Variants in ZMYM2 observed in about 807,000 individuals in gnomAD.
ZMYM2 encodes the protein zinc finger MYM-type protein 2.
In ZMYM2, 56 loss-of-function variants were observed where a neutral mutation model predicts 162.8. That is an observed-to-expected ratio of 0.34 (90% CI 0.28 to 0.43). The LOEUF is 0.43. Among genes scored for constraint, ZMYM2 ranks in the 20% least tolerant of loss-of-function variants. The probability of loss-of-function intolerance (pLI) is 1.00; values close to 1 mark genes in which losing one functional copy is unlikely to be tolerated. For missense variants in ZMYM2, 1,275 were observed against 1,621.8 expected, an observed-to-expected ratio of 0.79 and a Z score of 3.67; for synonymous variants, 510 against 541.6, an observed-to-expected ratio of 0.94 and a Z score of 0.81.
the ZMYM2 span, among the ~76,000 whole-genome samples, chr13:19,888,289 C>G: frequency 6.6e-6 from 1 of 151,778 alleles, no homozygotes; most frequent in African/African-American, 2.4e-5. Flanking sequence ...CCTGGGCTCA[C>G]GCAGTTCTCC....
chr13:19,970,628 T>C (rs1956231647), intron 2 of ZMYM2, among the ~76,000 whole-genome samples: 1 of 139,838 alleles, frequency 7.2e-6, no homozygotes. Flanking sequence ...AAAAAGGGCA[T>C]CCTCTCAGAA....
At chr13:20,056,828 C>T (rs527638995) in intron 14 of ZMYM2, among the ~76,000 whole-genome samples, 1 of 152,262 alleles carries the variant, frequency 6.6e-6, no homozygotes, top group East Asian at 1.9e-4. Flanking sequence ...TGGCCCTATG[C>T]TTGAGCACAG....
At chr13:20,083,521 A>G in intron 23 of ZMYM2, 135 bp from the exon 24 acceptor site, 1 of 664,608 alleles carries the variant, frequency 1.5e-6, no homozygotes, top group Non-Finnish European at 2.5e-6. Context: ...GAAAAATTGT[A>G]CATTACCAGA....
At chr13:19,983,005 A>T (rs531158999) in intron 2 of ZMYM2, among the ~76,000 whole-genome samples, 1 of 152,328 alleles carries the variant, frequency 6.6e-6, no homozygotes, top group Non-Finnish European at 1.5e-5. Flanking sequence ...CAGTTGACTG[A>T]TTTCTACATA....
At chr13:19,894,440 G>A in the ZMYM2 span, among the ~76,000 whole-genome samples, 9 of 151,522 alleles carry the variant, frequency 5.9e-5, 1 homozygote, top group Admixed American at 5.9e-4. Flanking sequence ...CTGCCTCCCG[G>A]GTTCGAATGA....
chr13:19,886,614 A>G, the ZMYM2 span, among the ~76,000 whole-genome samples: 1 of 151,714 alleles, frequency 6.6e-6, no homozygotes, highest in Non-Finnish European at 1.5e-5. Context: ...CAATTTGTCT[A>G]TAGAATTTCA....
intron 2 of ZMYM2, among the ~76,000 whole-genome samples, chr13:19,984,152 T>C (rs546163788): frequency 3.3e-5 from 5 of 152,338 alleles, no homozygotes; most frequent in Non-Finnish European, 7.4e-5. Context: ...CTTTGTGATT[T>C]TGTTTTTTGA....
intron 2 of ZMYM2, among the ~76,000 whole-genome samples, chr13:19,974,681 A>C (rs1956630196): frequency 6.6e-6 from 1 of 152,106 alleles, no homozygotes; most frequent in Admixed American, 6.6e-5. Context: ...CATGTGGGCC[A>C]GGCTGATCTC....
intron 2 of ZMYM2, among the ~76,000 whole-genome samples, chr13:19,973,670 C>CA (rs529880853): frequency 0.049 from 2,874 of 58,674 alleles, 170 homozygotes; most frequent in African/African-American, 0.18. Context: ...AACTCCATCT[C>CA]AAAAAAAAAA....
At chr13:19,971,682 G>C (rs1293293030) in intron 2 of ZMYM2, among the ~76,000 whole-genome samples, 2 of 152,098 alleles carry the variant, frequency 1.3e-5, no homozygotes, top group African/African-American at 2.4e-5. Context: ...GTAGAGATGG[G>C]TAAAAGTGGA....
At chr13:19,865,505 A>T in the ZMYM2 span, among the ~76,000 whole-genome samples, 1 of 152,206 alleles carries the variant, frequency 6.6e-6, no homozygotes. Flanking sequence ...AGTGAATTAC[A>T]TGTAATGTCA....
intron 2 of ZMYM2, among the ~76,000 whole-genome samples, chr13:19,974,058 C>G (rs1309077813): frequency 6.6e-6 from 1 of 152,148 alleles, no homozygotes; most frequent in Non-Finnish European, 1.5e-5. Flanking sequence ...TAGTTTGTCT[C>G]CAGATTAATC....
intron 2 of ZMYM2, among the ~76,000 whole-genome samples, chr13:19,987,782 A>C (rs923728369): frequency 2.6e-5 from 4 of 151,552 alleles, no homozygotes; most frequent in Admixed American, 6.6e-5. Flanking sequence ...TGCCCAGCCT[A>C]ATTTTTGTAT....
chr13:19,867,852 C>CT, the ZMYM2 span, among the ~76,000 whole-genome samples: 1 of 152,234 alleles, frequency 6.6e-6, no homozygotes, highest in African/African-American at 2.4e-5. Flanking sequence ...TCTCGAACTC[C>CT]TGACCTCAAG....
intron 9 of ZMYM2, among the ~76,000 whole-genome samples, chr13:20,029,653 C>A (rs1952900204): frequency 6.6e-6 from 1 of 151,948 alleles, no homozygotes; most frequent in Non-Finnish European, 1.5e-5. Flanking sequence ...TTTTTATTAA[C>A]CGTTTCATGC....
At chr13:19,984,230 C>G (rs949592451) in intron 2 of ZMYM2, among the ~76,000 whole-genome samples, 2 of 152,118 alleles carry the variant, frequency 1.3e-5, no homozygotes, top group Non-Finnish European at 2.9e-5. Context: ...TATATTTTAA[C>G]TATTACCTTT....
intron 2 of ZMYM2, among the ~76,000 whole-genome samples, chr13:19,981,252 G>C (rs946301665): frequency 1.3e-5 from 2 of 151,920 alleles, no homozygotes; most frequent in Non-Finnish European, 1.5e-5. Context: ...AGCCTAGGTT[G>C]CCAGTGAGAC....
intron 21 of ZMYM2, chr13:20,070,162 G>C (rs1254699209): frequency 3.9e-5 from 6 of 154,412 alleles, no homozygotes; most frequent in African/African-American, 1.2e-4. Flanking sequence ...TGGAATTAAA[G>C]TTTTGCTTCT....
At chr13:19,966,441 TTA>T (rs1662921685) in intron 2 of ZMYM2, among the ~76,000 whole-genome samples, 1 of 150,998 alleles carries the variant, frequency 6.6e-6, no homozygotes, top group Admixed American at 6.7e-5. Context: ...GCCTGAATTC[TTA>T]TATGTCTATA....
Sources: allele counts gnomAD v4.1 joint callset (sites outside exome capture counted in the v4.1 genomes callset), GRCh38; gene constraint gnomAD v4.1.1; transcripts MANE v1.5; gene names NCBI Gene and HGNC (gene_info 2026-07-23, HGNC 2026-07-21).